ATF2: variants seen among roughly 807,000 people sequenced by gnomAD.
ATF2 encodes the protein cyclic AMP-dependent transcription factor ATF-2.
Under a neutral mutation model 60.6 loss-of-function variants are expected in ATF2, and 24 were observed. The observed-to-expected ratio is 0.40, with a 90% CI of 0.29 to 0.56. The LOEUF is 0.56. Ranked by LOEUF, ATF2 falls within the 20% of genes least tolerant of loss-of-function variation. The pLI is 0.54. For synonymous variants in ATF2, 206 were observed against 215.4 expected, an observed-to-expected ratio of 0.96 and a Z score of 0.38; for missense variants, 433 against 607.7, an observed-to-expected ratio of 0.71 and a Z score of 3.02.
At position 175,074,559 on chromosome 2, in the gene ATF2, C is replaced by T; in HGVS notation, c.*50G>A. 6.5e-7 allele frequency: 1 copy of T among 1,546,600 alleles called. No homozygotes were observed. Among genetic ancestry groups the T allele is most frequent in the Non-Finnish European group, 8.8e-7 (1 of 1,141,200 alleles). On this transcript the variant is annotated 3_prime_UTR_variant, in exon 14 of 14. Transcript: ENST00000264110. ...GGAAACTGGTCTTTCCTTGATTTCC[C>T]TTTGAAGTCACTAATGAGTATCTAA...
chr2:175,108,933 C>A (rs997828375), intron 10 of ATF2, among the ~76,000 whole-genome samples: 1 of 152,006 alleles, frequency 6.6e-6, no homozygotes, highest in Non-Finnish European at 1.5e-5. Context: ...GGATTAAGGG[C>A]GGTGCAAGAT....
At chr2:175,114,396 C>T in intron 8 of ATF2, 1 of 1,249,204 alleles carries the variant, frequency 8.0e-7, no homozygotes, top group Non-Finnish European at 1.0e-6. Context: ...CCAGTAAGAA[C>T]TGAAAGAAAT....
intron 2 of ATF2, among the ~76,000 whole-genome samples, chr2:175,138,337 T>C (rs1338872545): frequency 1.3e-5 from 2 of 151,944 alleles, no homozygotes; most frequent in Non-Finnish European, 1.5e-5. Flanking sequence ...CTTCATGGAG[T>C]TTCCAAGATA....
At chr2:175,095,097 T>TC (rs1694839846) in intron 11 of ATF2, among the ~76,000 whole-genome samples, 1 of 152,012 alleles carries the variant, frequency 6.6e-6, no homozygotes, top group African/African-American at 2.4e-5. Context: ...CTCCTATTTT[T>TC]CTTTTTCTTT....
intron 10 of ATF2, among the ~76,000 whole-genome samples, chr2:175,109,301 T>C (rs1031628687): frequency 1.0e-4 from 15 of 149,954 alleles, no homozygotes; most frequent in Non-Finnish European, 5.9e-5. Context: ...CACAATGGAA[T>C]ACCACTCAGC....
chr2:175,161,614 CA>C (rs550890555), intron 1 of ATF2, among the ~76,000 whole-genome samples: 50 of 152,152 alleles, frequency 3.3e-4, no homozygotes, highest in Admixed American at 5.9e-4. Flanking sequence ...GGACAAAACT[CA>C]GTCAATTTGG....
chr2:175,101,365 T>C (rs2105624695), intron 10 of ATF2, among the ~76,000 whole-genome samples: 1 of 152,280 alleles, frequency 6.6e-6, no homozygotes, highest in East Asian at 1.9e-4. Context: ...TCTGCATATT[T>C]ATATATTTTA....
chr2:175,122,217 T>C (rs1216776223), intron 4 of ATF2, among the ~76,000 whole-genome samples: 4 of 152,026 alleles, frequency 2.6e-5, no homozygotes, highest in Non-Finnish European at 5.9e-5. Flanking sequence ...TTATCCATCA[T>C]ATTTTTTCCT....
Position 175,093,287 on chromosome 2 carries a change from A to T in ATF2, c.979-20T>A. On this transcript the variant is annotated intron_variant, in intron 11 of 13. Coordinates refer to ENST00000264110, the MANE Select transcript of ATF2 (RefSeq NM_001880.4). ...AGAAGCCTATTATAAACAGAGATGAAAGCCTGTTATATTTGTATCTAGTGA... is the reference window on the plus strand; with the variant it reads ...AGAAGCCTATTATAAACAGAGATGATAGCCTGTTATATTTGTATCTAGTGA... The T allele has an allele frequency of 1.2e-6, 2 of 1,608,976 alleles. No individual in the cohort carries two copies. The highest frequency in any genetic ancestry group is 1.7e-6 in the Non-Finnish European group (2 of 1,176,584).
chr2:175,075,125 G>T, intron 13 of ATF2: 1 of 1,150,754 alleles, frequency 8.7e-7, no homozygotes, highest in Non-Finnish European at 1.1e-6. Context: ...GGGAGAGTTT[G>T]GAAGATAGTC....
chr2:175,075,565 C>T (rs369599350), intron 13 of ATF2, among the ~76,000 whole-genome samples: 6 of 152,262 alleles, frequency 3.9e-5, no homozygotes, highest in South Asian at 4.1e-4. Context: ...AAGTCTCTTA[C>T]ATCCTTATTT....
At chr2:175,153,823 C>A (rs367586960) in intron 1 of ATF2, among the ~76,000 whole-genome samples, 2 of 107,200 alleles carry the variant, frequency 1.9e-5, no homozygotes, top group African/African-American at 3.4e-5. Context: ...CAGAGCGAGA[C>A]TCTGCCTCAA....
At position 175,074,797 on chromosome 2, in the gene ATF2, G is replaced by T; in HGVS notation, c.1330C>A (p.Pro444Thr). The change falls in exon 14 of 14, where the codon CCG becomes ACG. Residue 444 changes from proline to threonine, a missense_variant. Pro to Thr is a conservative substitution (Grantham distance 38). This residue lies in a region of ATF2 where 114 missense variants were observed against 104.0 expected (regional missense o/e 1.10). Coordinates refer to ENST00000264110, the MANE Select transcript of ATF2 (RefSeq NM_001880.4). ...ATAGCTTCTGTATGTGGACTACTCGGCACTGAAATGTCTTCTGAACTATCA... is the reference window on the plus strand; with the variant it reads ...ATAGCTTCTGTATGTGGACTACTCGTCACTGAAATGTCTTCTGAACTATCA... ...KDDSSEDISVPSSPHTEAIQH... is the reference protein window; with the variant it reads ...KDDSSEDISVTSSPHTEAIQH... The T allele has an allele frequency of 6.2e-7, 1 of 1,613,460 alleles. No homozygotes were observed. Among genetic ancestry groups the T allele is most frequent in the Non-Finnish European group, 8.5e-7 (1 of 1,179,608 alleles).
intron 10 of ATF2, among the ~76,000 whole-genome samples, chr2:175,103,168 GATA>G (rs376110434): frequency 6.3e-4 from 96 of 152,178 alleles, no homozygotes; most frequent in East Asian, 5.2e-3. Context: ...AAAGAAAAAA[GATA>G]ATGTTCTCTA....
At chr2:175,101,392 C>T (rs73033994) in intron 10 of ATF2, among the ~76,000 whole-genome samples, 3,428 of 152,188 alleles carry the variant, frequency 0.023, 131 homozygotes, top group African/African-American at 0.078. Flanking sequence ...GAATGTTAGA[C>T]ATCAAAATAC....
At chr2:175,129,470 A>C (rs941889625) in intron 4 of ATF2, among the ~76,000 whole-genome samples, 1 of 152,114 alleles carries the variant, frequency 6.6e-6, no homozygotes, top group African/African-American at 2.4e-5. Context: ...TTTCAATTTA[A>C]AATATCAACT....
chr2:175,109,168 TAAAAAAAAAAA>T (rs66812318), intron 10 of ATF2, among the ~76,000 whole-genome samples: 25 of 82,606 alleles, frequency 3.0e-4, no homozygotes, highest in Middle Eastern at 0.011. Flanking sequence ...GAATGATCAA[TAAAAAAAAAAA>T]AAAAAAAAAA....
chr2:175,080,552 T>C, intron 13 of ATF2, 108 bp downstream of exon 13: 1 of 775,204 alleles, frequency 1.3e-6, no homozygotes, highest in Non-Finnish European at 2.0e-6. Flanking sequence ...TGATATTTAA[T>C]CTTGAATATT....
At chr2:175,087,741 G>T (rs1435272630) in intron 12 of ATF2, among the ~76,000 whole-genome samples, 1 of 152,100 alleles carries the variant, frequency 6.6e-6, no homozygotes, top group African/African-American at 2.4e-5. Context: ...AGTTCCAAGG[G>T]TTATCGTGGA....
Sources: gnomAD v4.1 joint callset for allele counts (sites outside exome capture counted in the v4.1 genomes callset) on GRCh38, gnomAD v4.1.1 for gene constraint, gnomAD v4.1.1 regional missense constraint, MANE v1.5 for transcripts, NCBI Gene and HGNC (gene_info 2026-07-23, HGNC 2026-07-21) for gene names.